Variants in AFF4 observed in about 807,000 individuals in gnomAD.
AFF4 encodes AF4/FMR2 family member 4.
AFF4 carries 13 observed loss-of-function variants against 124.8 expected under a neutral mutation model. The ratio of observed to expected loss-of-function variants is 0.10; its 90% CI spans 0.07 to 0.17. AFF4 has a LOEUF of 0.17. Ranked by LOEUF, AFF4 falls within the 10% of genes least tolerant of loss-of-function variation. The pLI, the probability that AFF4 is intolerant of heterozygous loss-of-function variation, is 1.00. For missense variants in AFF4, 1,092 were observed against 1,403.8 expected (o/e 0.78, Z 3.55); for synonymous variants, 477 against 496.1 (o/e 0.96, Z 0.51).
intron 20 of AFF4, 93 bp downstream of exon 20, chr5:132,883,247 A>T: frequency 8.5e-7 from 1 of 1,175,600 alleles, no homozygotes; most frequent in Non-Finnish European, 1.2e-6. Context: ...CTAAATAATA[A>T]AACTAAATAC....
At chr5:132,915,668 A>G in intron 5 of AFF4, among the ~76,000 whole-genome samples, 1 of 150,430 alleles carries the variant, frequency 6.6e-6, no homozygotes, top group South Asian at 2.1e-4. Context: ...CCCAGGTTCA[A>G]GCGATTCTCC....
intron 1 of AFF4, among the ~76,000 whole-genome samples, chr5:132,938,661 T>G (rs1761489707): frequency 6.6e-6 from 1 of 151,848 alleles, no homozygotes; most frequent in African/African-American, 2.4e-5. Flanking sequence ...TAAAAGCAAT[T>G]TAACGGCCTG....
chr5:132,951,523 TTTC>T (rs1230746468), intron 1 of AFF4, among the ~76,000 whole-genome samples: 1 of 152,116 alleles, frequency 6.6e-6, no homozygotes, highest in East Asian at 1.9e-4. Flanking sequence ...TTCTCAGGAA[TTTC>T]TTTTCTTTTT....
At chr5:132,954,546 CTT>C (rs1204231856) in intron 1 of AFF4, among the ~76,000 whole-genome samples, 4 of 122,114 alleles carry the variant, frequency 3.3e-5, no homozygotes, top group South Asian at 2.7e-4. Flanking sequence ...AAACAATGCT[CTT>C]TTTTTTTTTT....
chr5:132,934,099 A>C (rs761666439), intron 3 of AFF4, 48 bp downstream of exon 3: 1 of 1,548,480 alleles, frequency 6.5e-7, no homozygotes, highest in South Asian at 1.2e-5. Flanking sequence ...TGATCAGTCA[A>C]TTGCTTCACG....
At chr5:132,916,181 A>ATGAGCTGAT (rs1760904948) in intron 5 of AFF4, among the ~76,000 whole-genome samples, 1 of 142,886 alleles carries the variant, frequency 7.0e-6, no homozygotes, top group Admixed American at 7.4e-5. Context: ...GGAGGTTGCA[A>ATGAGCTGAT]TGAGCTGATA....
At chr5:132,911,030 T>C (rs1760782221) in intron 5 of AFF4, among the ~76,000 whole-genome samples, 1 of 152,228 alleles carries the variant, frequency 6.6e-6, no homozygotes, top group South Asian at 2.1e-4. Flanking sequence ...TGGTGTTCTA[T>C]TCTAAAGCTA....
Position 132,880,999 on chromosome 5 carries a change from T to C in AFF4, c.*60A>G. 1 of 1,570,372 alleles carries C rather than the reference T, an allele frequency of 6.4e-7. No individual in the cohort carries two copies. Among genetic ancestry groups the C allele is most frequent in the Non-Finnish European group, 8.6e-7 (1 of 1,159,870 alleles). On this transcript the variant is annotated 3_prime_UTR_variant, in exon 21 of 21. Transcript: ENST00000265343. ...ACTAGGTGGTATGTTATGGCAGTTT[T>C]CCTTCGTGATGTGACACAGTGTTGT... is the stretch of plus-strand genomic sequence containing the variant.
In AFF4 at chr5:132,877,543, G is replaced by A. The variant is rs148607862; in HGVS notation, c.*3516C>T. 2 of 208,314 alleles carry A rather than the reference G, an allele frequency of 9.6e-6. No homozygotes were observed. Among genetic ancestry groups the A allele is most frequent in the East Asian group, 7.4e-5 (1 of 13,592 alleles). The allele number at this position is 208,314 out of a possible 1,614,324, so 12.9% of individuals were successfully genotyped here. On this transcript the variant is annotated 3_prime_UTR_variant, in exon 21 of 21. Coordinates refer to ENST00000265343, the MANE Select transcript of AFF4 (RefSeq NM_014423.4). ...ATACATACATACATATATATAAAGT[G>A]TGTATGTGTACAGAATTTTAAGATC...
chr5:132,955,652 C>T (rs1761937433), intron 1 of AFF4, among the ~76,000 whole-genome samples: 2 of 151,376 alleles, frequency 1.3e-5, no homozygotes, highest in Admixed American at 1.3e-4. Context: ...GTGGCGGGCG[C>T]CTGTAATCCC....
chr5:132,958,882 T>A (rs1388532203), intron 1 of AFF4, among the ~76,000 whole-genome samples: 1 of 152,220 alleles, frequency 6.6e-6, no homozygotes, highest in Non-Finnish European at 1.5e-5. Flanking sequence ...CAAACCATAC[T>A]GGCTTTCCAG....
chr5:132,942,461 T>A (rs1440088751), intron 1 of AFF4, among the ~76,000 whole-genome samples: 2 of 66,536 alleles, frequency 3.0e-5, no homozygotes, highest in Non-Finnish European at 3.0e-5. Flanking sequence ...CCTTTTGACC[T>A]TTTTTTTTTT....
In AFF4 at chr5:132,930,843, A is replaced by G. The variant is rs1761281139; in HGVS notation, c.963+1335T>C. ...AAATGTTGGCTGGGCGTGGTGGCTC[A>G]TACCTATAATCCCAGCACTTTGGGA... On this transcript the variant is annotated intron_variant, in intron 4 of 20. Transcript: ENST00000265343. Among the ~76,000 whole-genome samples the G allele has an allele frequency of 2.6e-5, 4 of 151,276 alleles. No homozygotes were observed. In the Admixed American group the frequency reaches 2.6e-4, roughly 10 times the overall value.
At chr5:132,951,909 T>C (rs1221202231) in intron 1 of AFF4, among the ~76,000 whole-genome samples, 1 of 152,218 alleles carries the variant, frequency 6.6e-6, no homozygotes, top group African/African-American at 2.4e-5. Context: ...TCTTCAACAT[T>C]ATTAAAAAGG....
In AFF4 at chr5:132,877,371, A is replaced by G. The variant is rs925644825; in HGVS notation, c.*3688T>C. On this transcript the variant is annotated 3_prime_UTR_variant, in exon 21 of 21. Coordinates refer to ENST00000265343, the MANE Select transcript of AFF4 (RefSeq NM_014423.4). ...TAGTAATTAAGCTTTAACAATCTAA[A>G]GGAATACACATTGCACCCTTGAACA... The G allele has an allele frequency of 2.0e-4, 43 of 216,804 alleles. No individual in the cohort carries two copies. In the East Asian group the frequency reaches 3.0e-3, roughly 15 times the overall value. The allele number at this position is 216,804 out of a possible 1,614,324, so 13.4% of individuals were successfully genotyped here.
intron 17 of AFF4, 125 bp from the exon 18 acceptor site, chr5:132,886,528 C>T: frequency 1.3e-6 from 1 of 776,980 alleles, no homozygotes; most frequent in Non-Finnish European, 2.1e-6. Flanking sequence ...CAACATTAAC[C>T]GTTAGGCAAA....
chr5:132,958,088 T>A (rs994505493), intron 1 of AFF4, among the ~76,000 whole-genome samples: 1 of 152,196 alleles, frequency 6.6e-6, no homozygotes, highest in Non-Finnish European at 1.5e-5. Flanking sequence ...GTGTTACTTT[T>A]TTTAGTGTAT....
intron 1 of AFF4, among the ~76,000 whole-genome samples, chr5:132,958,426 AC>A (rs1416765316): frequency 1.4e-4 from 20 of 138,946 alleles, no homozygotes; most frequent in African/African-American, 5.5e-4. Context: ...AGATCACATC[AC>A]TGCACTCCAG....
intron 1 of AFF4, among the ~76,000 whole-genome samples, chr5:132,954,985 A>G (rs1761921268): frequency 6.6e-6 from 1 of 152,198 alleles, no homozygotes; most frequent in Non-Finnish European, 1.5e-5. Context: ...ATCAGGTCAC[A>G]TGAACTTGAA....
Sources: gnomAD v4.1 joint callset for allele counts (sites outside exome capture counted in the v4.1 genomes callset) on GRCh38, gnomAD v4.1.1 for gene constraint, MANE v1.5 for transcripts, NCBI Gene and HGNC (gene_info 2026-07-23, HGNC 2026-07-21) for gene names.